CREB5: variants seen among roughly 807,000 people sequenced by gnomAD.
CREB5 encodes cAMP responsive element binding protein 5.
CREB5 carries 19 observed loss-of-function variants against 57.1 expected under a neutral mutation model. That is an observed-to-expected ratio of 0.33 (90% CI 0.23 to 0.49). The LOEUF (loss-of-function observed/expected upper bound fraction) is 0.49, where lower values mean the gene tolerates loss of function less well. CREB5 is among the 20% of genes least tolerant of loss of function. The pLI, the probability that CREB5 is intolerant of heterozygous loss-of-function variation, is 0.99. For synonymous variants in CREB5, 238 were observed against 238.3 expected, an observed-to-expected ratio of 1.00 and a Z score of 0.01; for missense variants, 579 against 671.6, an observed-to-expected ratio of 0.86 and a Z score of 1.52.
intron 5 of CREB5, among the ~76,000 whole-genome samples, chr7:28,687,383 AG>A (rs1354908120): frequency 7.0e-6 from 1 of 143,114 alleles, no homozygotes; most frequent in Non-Finnish European, 1.6e-5. Flanking sequence ...ATACAGGGAG[AG>A]GGGGCAAAGG....
At chr7:28,660,089 A>G (rs958483737) in intron 5 of CREB5, among the ~76,000 whole-genome samples, 4 of 152,190 alleles carry the variant, frequency 2.6e-5, no homozygotes, top group Non-Finnish European at 5.9e-5. Flanking sequence ...ATGAGCTGAG[A>G]TGATTGGCAG....
chr7:28,499,902 G>A (rs1040027296), intron 3 of CREB5, among the ~76,000 whole-genome samples: 1 of 152,212 alleles, frequency 6.6e-6, no homozygotes, highest in African/African-American at 2.4e-5. Context: ...TCTTTCAAAT[G>A]CCTTGGTAGC....
At chr7:28,596,107 T>A (rs1373284649) in intron 5 of CREB5, among the ~76,000 whole-genome samples, 1 of 152,218 alleles carries the variant, frequency 6.6e-6, no homozygotes, top group African/African-American at 2.4e-5. Context: ...TTTGACCAGG[T>A]GACTCTCCTC....
At chr7:28,344,585 C>T (rs1786002648) in intron 1 of CREB5, among the ~76,000 whole-genome samples, 1 of 152,150 alleles carries the variant, frequency 6.6e-6, no homozygotes, top group Admixed American at 6.5e-5. Context: ...TAGTGTGATA[C>T]CTCCAGCTTT....
At chr7:28,471,386 T>C (rs1333438236) in intron 1 of CREB5, among the ~76,000 whole-genome samples, 2 of 152,180 alleles carry the variant, frequency 1.3e-5, no homozygotes, top group African/African-American at 4.8e-5. Flanking sequence ...TCACTGTACA[T>C]GTGTGGATTC....
chr7:28,389,634 T>A (rs892130297), intron 1 of CREB5, among the ~76,000 whole-genome samples: 2 of 30,148 alleles, frequency 6.6e-5, no homozygotes, highest in African/African-American at 2.4e-4. Context: ...ATACTAAACT[T>A]TTTTTTTTTT....
chr7:28,569,975 A>G (rs1302948280), intron 4 of CREB5, among the ~76,000 whole-genome samples: 1 of 152,236 alleles, frequency 6.6e-6, no homozygotes. Context: ...TGTGCTTGTC[A>G]TGCAAAGCAG....
chr7:28,518,734 C>T (rs545467244), intron 4 of CREB5, among the ~76,000 whole-genome samples: 4 of 152,248 alleles, frequency 2.6e-5, no homozygotes, highest in South Asian at 2.1e-4. Context: ...AGCTCTTCCC[C>T]ATGCTGCCAG....
chr7:28,346,284 A>T (rs1006512728), intron 1 of CREB5, among the ~76,000 whole-genome samples: 2 of 152,216 alleles, frequency 1.3e-5, no homozygotes, highest in Admixed American at 1.3e-4. Context: ...AAGGTGTAAG[A>T]TCAAGGCATC....
At chr7:28,427,999 G>T (rs530364749) in intron 1 of CREB5, among the ~76,000 whole-genome samples, 1 of 152,296 alleles carries the variant, frequency 6.6e-6, no homozygotes, top group Admixed American at 6.5e-5. Flanking sequence ...GAAAGATAAA[G>T]CCAGGGAAGT....
At chr7:28,351,616 A>G (rs1456706889) in intron 1 of CREB5, among the ~76,000 whole-genome samples, 3 of 152,134 alleles carry the variant, frequency 2.0e-5, no homozygotes, top group Non-Finnish European at 4.4e-5. Context: ...CTTTGCTTCT[A>G]TGAACATCTG....
intron 2 of CREB5, among the ~76,000 whole-genome samples, chr7:28,493,600 A>G (rs1381665071): frequency 1.3e-5 from 2 of 152,184 alleles, no homozygotes; most frequent in African/African-American, 2.4e-5. Flanking sequence ...GGAATGCTAG[A>G]GTGTCTTACA....
intron 4 of CREB5, among the ~76,000 whole-genome samples, chr7:28,560,949 TGCGTGTGTGTGC>T (rs1795208108): frequency 2.9e-5 from 1 of 34,768 alleles, no homozygotes; most frequent in Non-Finnish European, 5.4e-5. Flanking sequence ...TGCGTGTGTG[TGCGTGTGTGTGC>T]GTGTGTGTGT....
chr7:28,808,747 G>C, intron 8 of CREB5, among the ~76,000 whole-genome samples: 1 of 98,912 alleles, frequency 1.0e-5, no homozygotes, highest in East Asian at 2.9e-4. Flanking sequence ...TTTTTGTAGA[G>C]ACAGGGTCTT....
chr7:28,811,527 G>A (rs1157035920), intron 9 of CREB5, among the ~76,000 whole-genome samples: 4 of 151,918 alleles, frequency 2.6e-5, no homozygotes, highest in East Asian at 1.9e-4. Context: ...GGTGCACACC[G>A]CCATGCCTGG....
intron 1 of CREB5, among the ~76,000 whole-genome samples, chr7:28,321,583 C>A (rs1189294790): frequency 6.6e-6 from 1 of 152,138 alleles, no homozygotes; most frequent in Non-Finnish European, 1.5e-5. Context: ...CCAACTCCAC[C>A]CTTTGCTGTG....
intron 1 of CREB5, among the ~76,000 whole-genome samples, chr7:28,345,085 T>A (rs1200025445): frequency 6.6e-6 from 1 of 152,168 alleles, no homozygotes; most frequent in Non-Finnish European, 1.5e-5. Flanking sequence ...CATTCCACTT[T>A]CAACAATGGA....
intron 8 of CREB5, among the ~76,000 whole-genome samples, chr7:28,805,518 C>G (rs1808666748): frequency 6.6e-6 from 1 of 152,140 alleles, no homozygotes; most frequent in Non-Finnish European, 1.5e-5. Flanking sequence ...TGTCATCTGC[C>G]TCTGGAGACG....
intron 5 of CREB5, among the ~76,000 whole-genome samples, chr7:28,696,742 CAT>C (rs1801584270): frequency 6.8e-6 from 1 of 147,406 alleles, no homozygotes; most frequent in South Asian, 2.2e-4. Context: ...CATGTATACA[CAT>C]ATACACACAC....
Sources: gnomAD v4.1 joint callset for allele counts (sites outside exome capture counted in the v4.1 genomes callset) on GRCh38, gnomAD v4.1.1 for gene constraint, MANE v1.5 for transcripts, NCBI Gene and HGNC (gene_info 2026-07-23, HGNC 2026-07-21) for gene names.